The following SBF2 variants were observed in gnomAD, a reference collection of about 807,000 sequenced individuals.
SBF2 encodes the protein myotubularin-related protein 13.
In SBF2, 112 loss-of-function variants were observed where a neutral mutation model predicts 225.2. That is an observed-to-expected ratio of 0.50 (90% CI 0.43 to 0.58). The LOEUF is 0.58. Among genes scored for constraint, SBF2 ranks in the 20% least tolerant of loss-of-function variants. The pLI is 0.00. For missense variants in SBF2, 1,996 were observed against 2,206.2 expected, an observed-to-expected ratio of 0.90 and a Z score of 1.91; for synonymous variants, 763 against 773.3, an observed-to-expected ratio of 0.99 and a Z score of 0.22.
intron 26 of SBF2, 25 bp downstream of exon 26, chr11:9,839,473 T>C (rs755474981): frequency 6.8e-6 from 11 of 1,609,612 alleles, no homozygotes; most frequent in Non-Finnish European, 9.4e-6. Context: ...GAAGACCTCT[T>C]TTTGGAGCCC....
chr11:10,212,514 C>A (rs545937514), intron 1 of SBF2, among the ~76,000 whole-genome samples: 1 of 152,226 alleles, frequency 6.6e-6, no homozygotes, highest in South Asian at 2.1e-4. Flanking sequence ...AGATATGCTG[C>A]CTCTTTTTTC....
intron 14 of SBF2, among the ~76,000 whole-genome samples, chr11:9,964,934 G>C (rs1275079943): frequency 6.6e-6 from 1 of 152,094 alleles, no homozygotes; most frequent in Non-Finnish European, 1.5e-5. Flanking sequence ...ATACTGCATA[G>C]TGGTGAAGTC....
intron 36 of SBF2, among the ~76,000 whole-genome samples, chr11:9,786,293 C>T (rs1590080096): frequency 6.6e-6 from 1 of 152,154 alleles, no homozygotes; most frequent in South Asian, 2.1e-4. Context: ...AGTTTGATAG[C>T]ATAGTGGTTT....
At chr11:10,104,141 A>T (rs567052997) in intron 2 of SBF2, among the ~76,000 whole-genome samples, 1 of 152,012 alleles carries the variant, frequency 6.6e-6, no homozygotes, top group South Asian at 2.1e-4. Context: ...GAATTTTCCA[A>T]TTTTACTTCT....
chr11:9,827,097 C>A (rs934980042), intron 28 of SBF2, among the ~76,000 whole-genome samples: 10 of 152,122 alleles, frequency 6.6e-5, no homozygotes, highest in Admixed American at 2.0e-4. Context: ...CTCAGCCTCC[C>A]AAAGTGCTGG....
At chr11:9,950,345 C>T (rs944810396) in intron 16 of SBF2, among the ~76,000 whole-genome samples, 1 of 152,130 alleles carries the variant, frequency 6.6e-6, no homozygotes, top group Non-Finnish European at 1.5e-5. Context: ...TGAAAAGTTT[C>T]AAATGTTAGC....
chr11:10,176,903 G>C (rs950138542), intron 2 of SBF2, among the ~76,000 whole-genome samples: 1 of 152,168 alleles, frequency 6.6e-6, no homozygotes, highest in Non-Finnish European at 1.5e-5. Flanking sequence ...GAAAATTTTA[G>C]ACCAATACCC....
chr11:9,935,015 T>C (rs34127143), intron 16 of SBF2, among the ~76,000 whole-genome samples: 1 of 152,168 alleles, frequency 6.6e-6, no homozygotes, highest in African/African-American at 2.4e-5. Context: ...GAAGTGAAAT[T>C]GTCCCTGTTT....
At chr11:10,193,047 A>T (rs914353162) in intron 2 of SBF2, among the ~76,000 whole-genome samples, 2 of 152,234 alleles carry the variant, frequency 1.3e-5, no homozygotes, top group African/African-American at 4.8e-5. Context: ...GGTAACAACA[A>T]CAACAAAAGG....
At chr11:10,290,210 G>A (rs1348215453) in intron 1 of SBF2, among the ~76,000 whole-genome samples, 1 of 152,046 alleles carries the variant, frequency 6.6e-6, no homozygotes, top group African/African-American at 2.4e-5. Flanking sequence ...GGGTGGAGGT[G>A]GATCCCTGGG....
At chr11:9,794,823 A>C (rs974280023) in intron 33 of SBF2, among the ~76,000 whole-genome samples, 1 of 151,996 alleles carries the variant, frequency 6.6e-6, no homozygotes. Context: ...CAATTCCATG[A>C]GCCAACAAAG....
chr11:10,146,542 C>G (rs1954895131), intron 2 of SBF2, among the ~76,000 whole-genome samples: 2 of 152,122 alleles, frequency 1.3e-5, no homozygotes, highest in Non-Finnish European at 2.9e-5. Flanking sequence ...GAAACTGGAC[C>G]CCTTCGTTAC....
At chr11:10,266,002 G>A (rs956341921) in intron 1 of SBF2, among the ~76,000 whole-genome samples, 2 of 152,140 alleles carry the variant, frequency 1.3e-5, no homozygotes, top group South Asian at 2.1e-4. Context: ...TTACAGGCAT[G>A]AGCCATCATG....
At chr11:9,856,389 A>T in intron 19 of SBF2, 69 bp downstream of exon 19, 1 of 1,591,828 alleles carries the variant, frequency 6.3e-7, no homozygotes, top group Non-Finnish European at 8.6e-7. Flanking sequence ...AATGTTTAAT[A>T]TTATCTGTCA....
intron 26 of SBF2, among the ~76,000 whole-genome samples, chr11:9,832,744 A>G (rs1435988733): frequency 1.3e-5 from 2 of 152,052 alleles, no homozygotes; most frequent in Admixed American, 6.6e-5. Context: ...CCTGGCCAAC[A>G]TATTTCAAAT....
chr11:10,121,857 C>G (rs531192651), intron 2 of SBF2, among the ~76,000 whole-genome samples: 1 of 152,198 alleles, frequency 6.6e-6, no homozygotes, highest in Admixed American at 6.5e-5. Context: ...TCCATCCAGC[C>G]TCGGACAGAA....
intron 2 of SBF2, among the ~76,000 whole-genome samples, chr11:10,144,677 T>C (rs1486279358): frequency 6.6e-6 from 1 of 152,216 alleles, no homozygotes; most frequent in Admixed American, 6.5e-5. Context: ...GAAGTTGAGA[T>C]GATGTAAAAG....
chr11:9,818,663 T>C (rs1162853296), intron 28 of SBF2, among the ~76,000 whole-genome samples: 1 of 152,202 alleles, frequency 6.6e-6, no homozygotes, highest in Admixed American at 6.5e-5. Flanking sequence ...TTATAAGCAT[T>C]TACGGGGTCA....
intron 2 of SBF2, among the ~76,000 whole-genome samples, chr11:10,105,468 C>T (rs1952506684): frequency 6.6e-6 from 1 of 152,176 alleles, no homozygotes; most frequent in South Asian, 2.1e-4. Context: ...CCACTATAAT[C>T]TTACTAAATA....
Sources: allele counts gnomAD v4.1 joint callset (sites outside exome capture counted in the v4.1 genomes callset), GRCh38; gene constraint gnomAD v4.1.1; transcripts MANE v1.5; gene names NCBI Gene and HGNC (gene_info 2026-07-23, HGNC 2026-07-21).